The following ZNF385B variants were observed in gnomAD, a reference collection of about 807,000 sequenced individuals.
ZNF385B encodes the protein zinc finger protein 385B, also known as zinc finger protein 533.
Under a neutral mutation model 39.2 loss-of-function variants are expected in ZNF385B, and 23 were observed. The observed-to-expected ratio is 0.59, with a 90% CI of 0.42 to 0.83. The LOEUF (loss-of-function observed/expected upper bound fraction) is 0.83. Among genes scored for constraint, ZNF385B ranks in the 40% least tolerant of loss-of-function variants. The probability of loss-of-function intolerance (pLI) is 0.00; values close to 1 mark genes in which losing one functional copy is unlikely to be tolerated. For synonymous variants in ZNF385B, 205 were observed against 222.6 expected (o/e 0.92, Z 0.70); for missense variants, 552 against 598.9 (o/e 0.92, Z 0.82).
At chr2:179,567,203 A>C (rs902071228) in intron 3 of ZNF385B, among the ~76,000 whole-genome samples, 2 of 152,078 alleles carry the variant, frequency 1.3e-5, no homozygotes, top group Non-Finnish European at 2.9e-5. Flanking sequence ...GCATTGAGCC[A>C]CCGTGCCAGG....
At chr2:179,707,229 G>A (rs1447343325) in intron 3 of ZNF385B, among the ~76,000 whole-genome samples, 1 of 152,234 alleles carries the variant, frequency 6.6e-6, no homozygotes, top group African/African-American at 2.4e-5. Flanking sequence ...TCAGGAAGAA[G>A]GGAAGAGAGT....
At chr2:179,483,744 T>C (rs937292301) in intron 5 of ZNF385B, among the ~76,000 whole-genome samples, 4 of 152,146 alleles carry the variant, frequency 2.6e-5, no homozygotes, top group African/African-American at 7.2e-5. Context: ...CCAGTGCCCA[T>C]TGGGGCTACT....
intron 3 of ZNF385B, among the ~76,000 whole-genome samples, chr2:179,572,206 A>G (rs528383851): frequency 6.6e-6 from 1 of 152,252 alleles, no homozygotes; most frequent in African/African-American, 2.4e-5. Flanking sequence ...GCCTTCTCAG[A>G]TATTTATGAA....
chr2:179,482,434 G>A (rs778484416), intron 6 of ZNF385B, among the ~76,000 whole-genome samples: 7 of 152,198 alleles, frequency 4.6e-5, no homozygotes, highest in Admixed American at 1.3e-4. Context: ...TGACATATCC[G>A]TCATGGGCCC....
chr2:179,617,468 A>G (rs1689847284), intron 3 of ZNF385B, among the ~76,000 whole-genome samples: 1 of 152,258 alleles, frequency 6.6e-6, no homozygotes, highest in Non-Finnish European at 1.5e-5. Context: ...AGCTTGGAAG[A>G]AAAATGCATC....
At chr2:179,667,966 T>C (rs1695395196) in intron 3 of ZNF385B, among the ~76,000 whole-genome samples, 1 of 152,190 alleles carries the variant, frequency 6.6e-6, no homozygotes, top group African/African-American at 2.4e-5. Flanking sequence ...AGTCTGTCTA[T>C]TCCTTGCAAC....
intron 3 of ZNF385B, among the ~76,000 whole-genome samples, chr2:179,651,635 AAAAAT>A (rs1434224490): frequency 6.6e-6 from 1 of 152,184 alleles, no homozygotes; most frequent in African/African-American, 2.4e-5. Context: ...AAAATATTTT[AAAAAT>A]AAAACCCCAA....
intron 3 of ZNF385B, among the ~76,000 whole-genome samples, chr2:179,602,382 G>C (rs1024894843): frequency 1.3e-5 from 2 of 152,106 alleles, no homozygotes; most frequent in Non-Finnish European, 2.9e-5. Flanking sequence ...TTTTAGTAGA[G>C]ACAGGGTTTC....
chr2:179,859,611 T>C (rs1442976489), intron 1 of ZNF385B, among the ~76,000 whole-genome samples: 2 of 152,224 alleles, frequency 1.3e-5, no homozygotes, highest in Non-Finnish European at 2.9e-5. Flanking sequence ...ATCTGATTTG[T>C]GGTTTTTATC....
chr2:179,816,890 A>AT (rs1262728868), intron 1 of ZNF385B, among the ~76,000 whole-genome samples: 9 of 152,134 alleles, frequency 5.9e-5, no homozygotes, highest in East Asian at 1.9e-4. Context: ...TTTATGGAAG[A>AT]TTTTTTTCCC....
At chr2:179,664,986 A>G (rs1694964931) in intron 3 of ZNF385B, among the ~76,000 whole-genome samples, 1 of 152,184 alleles carries the variant, frequency 6.6e-6, no homozygotes, top group Non-Finnish European at 1.5e-5. Flanking sequence ...AACAGTTTAT[A>G]AAAACTTGGA....
chr2:179,615,654 C>T (rs1033916717), intron 3 of ZNF385B, among the ~76,000 whole-genome samples: 2 of 152,140 alleles, frequency 1.3e-5, no homozygotes, highest in African/African-American at 4.8e-5. Flanking sequence ...TAGAACCGGG[C>T]TTGTAAGTTA....
chr2:179,798,200 C>T (rs1034962974), intron 1 of ZNF385B, among the ~76,000 whole-genome samples: 8 of 151,812 alleles, frequency 5.3e-5, no homozygotes, highest in Admixed American at 1.3e-4. Flanking sequence ...AGAGCCTGTT[C>T]AAATGGACTC....
chr2:179,663,713 CAAAA>C (rs71401756), intron 3 of ZNF385B, among the ~76,000 whole-genome samples: 76 of 67,730 alleles, frequency 1.1e-3, no homozygotes, highest in Middle Eastern at 7.5e-3. Flanking sequence ...GACTCCGTCT[CAAAA>C]AAAAAAAAAA....
intron 3 of ZNF385B, among the ~76,000 whole-genome samples, chr2:179,629,118 T>G (rs1287127017): frequency 6.6e-6 from 1 of 152,220 alleles, no homozygotes; most frequent in African/African-American, 2.4e-5. Flanking sequence ...CAGGCTCTTA[T>G]AAATTTCCAG....
At chr2:179,829,428 T>C (rs1339223755) in intron 1 of ZNF385B, among the ~76,000 whole-genome samples, 1 of 152,210 alleles carries the variant, frequency 6.6e-6, no homozygotes, top group Non-Finnish European at 1.5e-5. Context: ...AAATTGATCA[T>C]AGAAGTAAAT....
rs1690035732 is a variant in ZNF385B at position 179,619,510 on chromosome 2, A to C, written c.299-74541T>G. 3.9e-5 allele frequency among the ~76,000 whole-genome samples: 6 copies of C among 152,324 alleles called. No homozygotes were observed. The South Asian group carries it at 1.2e-3, about 32-fold the overall frequency. ...AGCCAAAAACTTATGTGAGGATCTCAAAGCACCTCCTGCAAAACCTCTAGG... is the reference window on the plus strand; with the variant it reads ...AGCCAAAAACTTATGTGAGGATCTCCAAGCACCTCCTGCAAAACCTCTAGG... On this transcript the variant is annotated intron_variant, in intron 3 of 9. Transcript: ENST00000410066.
At chr2:179,595,163 G>T (rs929403960) in intron 3 of ZNF385B, among the ~76,000 whole-genome samples, 5 of 151,952 alleles carry the variant, frequency 3.3e-5, no homozygotes, top group Non-Finnish European at 5.9e-5. Flanking sequence ...AATTAATGAA[G>T]ATCTGAAACT....
chr2:179,473,318 T>C (rs560117518), intron 6 of ZNF385B, among the ~76,000 whole-genome samples: 1 of 152,190 alleles, frequency 6.6e-6, no homozygotes, highest in Non-Finnish European at 1.5e-5. Flanking sequence ...TAAGTGCAGG[T>C]CACTGTTGCA....
Sources: allele counts gnomAD v4.1 joint callset (sites outside exome capture counted in the v4.1 genomes callset), GRCh38; gene constraint gnomAD v4.1.1; transcripts MANE v1.5; gene names NCBI Gene and HGNC (gene_info 2026-07-23, HGNC 2026-07-21).